Variants in FAM204A observed in about 807,000 individuals in gnomAD.
FAM204A encodes the protein family with sequence similarity 204 member A, also known as protein FAM204A.
In FAM204A, 16 loss-of-function variants were observed where a neutral mutation model predicts 35.4. The observed-to-expected ratio is 0.45, with a 90% CI of 0.31 to 0.69. FAM204A has a LOEUF of 0.69. Among genes scored for constraint, FAM204A ranks in the 30% least tolerant of loss-of-function variants. The pLI is 0.07. For missense variants in FAM204A, 240 were observed against 265.7 expected, an observed-to-expected ratio of 0.90 and a Z score of 0.67; for synonymous variants, 76 against 86.9, an observed-to-expected ratio of 0.88 and a Z score of 0.70.
intron 7 of FAM204A, among the ~76,000 whole-genome samples, chr10:118,316,347 T>C (rs1460665535): frequency 6.6e-6 from 1 of 152,170 alleles, no homozygotes; most frequent in Non-Finnish European, 1.5e-5. Flanking sequence ...ATATATTATG[T>C]GCTCTAGTAA....
rs2119782426 is a variant in FAM204A at position 118,308,319 on chromosome 10, C to T, written c.*2538G>A. The T allele has an allele frequency of 6.6e-6, 1 of 152,228 alleles. No homozygotes were observed. Among genetic ancestry groups the T allele is most frequent in the Middle Eastern group, 3.4e-3 (1 of 294 alleles). The allele number at this position is 152,228 out of a possible 1,614,324, so 9.4% of individuals were successfully genotyped here. A position where few individuals can be genotyped will look rare whatever the true frequency, so the allele number is the denominator to read the frequency against. ...AATGCACATATTGAAGTTTTAGGAACCAAAGTTATTACTGATCCAAAAAGA... is the reference window on the plus strand; with the variant it reads ...AATGCACATATTGAAGTTTTAGGAATCAAAGTTATTACTGATCCAAAAAGA... On this transcript the variant is annotated 3_prime_UTR_variant, in exon 9 of 9. Transcript: ENST00000369183.
At position 118,335,172 on chromosome 10, in the gene FAM204A, T is replaced by C. The variant is rs1170451493; in HGVS notation, c.395A>G (p.Gln132Arg). 5 of 1,613,510 alleles carry C rather than the reference T, an allele frequency of 3.1e-6. No homozygotes were observed. The highest frequency in any genetic ancestry group is 4.2e-6 in the Non-Finnish European group (5 of 1,179,790). The change falls in exon 6 of 9, where the codon CAG becomes CGG. Residue 132 changes from glutamine to arginine, a missense_variant. Coordinates refer to ENST00000369183, the MANE Select transcript of FAM204A (RefSeq NM_022063.3). Reference sequence around the variant, plus strand: ...AAATCTATCATTGACTCCAAAATACTGAGTAAGCTCTTTCCACTGGGTTTC... The same window carrying C: ...AAATCTATCATTGACTCCAAAATACCGAGTAAGCTCTTTCCACTGGGTTTC... Reference protein sequence around the residue: ...SNETQWKELTQYFGVNDRFDP... With the variant: ...SNETQWKELTRYFGVNDRFDP...
In FAM204A at chr10:118,310,876, CT is replaced by C; in HGVS notation, c.682del (p.Ser228AlafsTer67). ...FEAKKRWETK[S>X]NMGYM ...GGCAAGTTACATGTATCCCATGTTG[CT>C]TTTGGTTTCCCATCTCTTCTTTGCT... On this transcript the variant is annotated frameshift_variant, in exon 9 of 9. Coordinates refer to ENST00000369183, the MANE Select transcript of FAM204A (RefSeq NM_022063.3). LOFTEE classifies it high-confidence loss of function. The C allele has an allele frequency of 6.2e-7, 1 of 1,603,150 alleles. No individual in the cohort carries two copies. The highest frequency in any genetic ancestry group is 1.8e-5 in the Admixed American group (1 of 56,908).
rs201078460 is a variant in FAM204A, at chr10:118,326,662, CAG to C, written c.454-421_454-420del. Among the ~76,000 whole-genome samples, 59 of 152,306 alleles carry C rather than the reference CAG, an allele frequency of 3.9e-4. No individual in the cohort carries two copies. In the East Asian group the frequency reaches 8.1e-3, roughly 21 times the overall value. On this transcript the variant is annotated intron_variant, in intron 6 of 8. Coordinates refer to ENST00000369183, the MANE Select transcript of FAM204A (RefSeq NM_022063.3). Reference sequence around the variant, plus strand: ...CTATCCTGTTTTAAAGATGAGGAAACAGAGCCCAAGACTCCTGAACTTGGCCA... The same window carrying C: ...CTATCCTGTTTTAAAGATGAGGAAACAGCCCAAGACTCCTGAACTTGGCCA...
intron 7 of FAM204A, 146 bp downstream of exon 7, chr10:118,326,008 G>C: frequency 1.7e-6 from 1 of 606,056 alleles, no homozygotes; most frequent in Non-Finnish European, 2.8e-6. Context: ...CAAAATAAAT[G>C]ACAGAATAAA....
At chr10:118,335,023 T>G in intron 6 of FAM204A, 91 bp downstream of exon 6, 1 of 890,518 alleles carries the variant, frequency 1.1e-6, no homozygotes, top group Non-Finnish European at 1.8e-6. Flanking sequence ...TCTTTTTAAC[T>G]GAATGAATTA....
In FAM204A at chr10:118,342,276, G is replaced by C. The variant is rs1215325540; in HGVS notation, c.-216C>G. On this transcript the variant is annotated 5_prime_UTR_variant, in exon 1 of 9. Coordinates refer to ENST00000369183, the MANE Select transcript of FAM204A (RefSeq NM_022063.3). The stretch of plus-strand genomic sequence containing the variant: ...CTCCATAAGCCGTACTCACCTGTCA[G>C]GAAGTGGTCGCCCAGCAGCCATCTT... 1 of 152,544 alleles carries C rather than the reference G, an allele frequency of 6.6e-6. No homozygotes were observed. The highest frequency in any genetic ancestry group is 3.4e-3 in the Middle Eastern group (1 of 298). The allele number at this position is 152,544 out of a possible 1,614,324, so 9.4% of individuals were successfully genotyped here. A position where few individuals can be genotyped will look rare whatever the true frequency, so the allele number is the denominator to read the frequency against.
At chr10:118,330,984 C>T (rs577788681) in intron 6 of FAM204A, among the ~76,000 whole-genome samples, 5 of 152,268 alleles carry the variant, frequency 3.3e-5, no homozygotes, top group Admixed American at 2.0e-4. Flanking sequence ...GAATACCTAG[C>T]CACGTTTTTA....
In FAM204A at chr10:118,335,976, C is replaced by G. The variant is rs1388033373; in HGVS notation, c.234+206G>C. The G allele has an allele frequency of 6.0e-6, 3 of 496,756 alleles. No homozygotes were observed. The South Asian group carries it at 1.1e-4, about 18-fold the overall frequency. 30.8% of individuals were successfully genotyped at this position (496,756 alleles called of 1,614,324 possible). ...ATAGTGGTTTGGGTTTTTTTTTTTT[C>G]CCCCTCCGTCTTTCTATGAAAAACA... On this transcript the variant is annotated intron_variant, in intron 3 of 8. Transcript: ENST00000369183.
At chr10:118,322,068 G>A (rs1449990516) in intron 7 of FAM204A, among the ~76,000 whole-genome samples, 1 of 152,098 alleles carries the variant, frequency 6.6e-6, no homozygotes. Context: ...AGTTTGCTGG[G>A]TGATGATTAA....
chr10:118,336,643 C>T (rs1846393414), intron 2 of FAM204A, among the ~76,000 whole-genome samples: 1 of 151,644 alleles, frequency 6.6e-6, no homozygotes. Context: ...AGTTTAAAAG[C>T]TGTTTAAACA....
chr10:118,326,702 G>GT (rs1258385878), intron 6 of FAM204A, among the ~76,000 whole-genome samples: 1 of 152,194 alleles, frequency 6.6e-6, no homozygotes, highest in Non-Finnish European at 1.5e-5. Context: ...GCCAGCGTCT[G>GT]TAAGTAGTAA....
At chr10:118,335,858 T>A (rs1042932846) in intron 3 of FAM204A, among the ~76,000 whole-genome samples, 8 of 151,966 alleles carry the variant, frequency 5.3e-5, no homozygotes, top group Non-Finnish European at 8.8e-5. Flanking sequence ...AATTTGAGAG[T>A]GAAGCTCATG....
chr10:118,311,325 A>G lies in FAM204A; in HGVS notation c.544-12T>C, dbSNP rs767786906. ...ATTTTTACACCAAGCTAAGAATTACAAAGGAGAAAAAAAAAGTGAAAATAA... is the reference window on the plus strand; with the variant it reads ...ATTTTTACACCAAGCTAAGAATTACGAAGGAGAAAAAAAAAGTGAAAATAA... On this transcript the variant is annotated splice_polypyrimidine_tract_variant and intron_variant, in intron 7 of 8. Coordinates refer to ENST00000369183, the MANE Select transcript of FAM204A (RefSeq NM_022063.3). The G allele has an allele frequency of 1.4e-6, 2 of 1,433,190 alleles. No individual in the cohort carries two copies. Among genetic ancestry groups the G allele is most frequent in the African/African-American group, 2.3e-5 (1 of 43,164 alleles). The allele number at this position is 1,433,190 out of a possible 1,614,324, so 88.8% of individuals were successfully genotyped here. A position where few individuals can be genotyped will look rare whatever the true frequency, so the allele number is the denominator to read the frequency against.
intron 3 of FAM204A, 104 bp from the exon 4 acceptor site, chr10:118,335,745 A>C (rs1846373973): frequency 3.4e-6 from 3 of 871,576 alleles, no homozygotes; most frequent in Non-Finnish European, 5.2e-6. Flanking sequence ...GCGTGTATAA[A>C]GATACCAATT....
intron 6 of FAM204A, among the ~76,000 whole-genome samples, chr10:118,334,723 T>C (rs1445653008): frequency 6.6e-6 from 1 of 152,194 alleles, no homozygotes; most frequent in African/African-American, 2.4e-5. Flanking sequence ...GCTGACCCCA[T>C]TCCAGCCAGG....
At chr10:118,329,512 C>T (rs1330924450) in intron 6 of FAM204A, among the ~76,000 whole-genome samples, 2 of 152,090 alleles carry the variant, frequency 1.3e-5, no homozygotes, top group Admixed American at 6.5e-5. Flanking sequence ...AGGCTCACGT[C>T]GAATGTTACC....
At position 118,302,705 on chromosome 10, in the gene FAM204A, T is replaced by C. The variant is rs1564750196; in HGVS notation, c.*8152A>G. 6.6e-6 allele frequency: 1 copy of C among 152,200 alleles called. No individual in the cohort carries two copies. The highest frequency in any genetic ancestry group is 1.5e-5 in the Non-Finnish European group (1 of 68,048). The allele number at this position is 152,200 out of a possible 1,614,324, so 9.4% of individuals were successfully genotyped here. On this transcript the variant is annotated 3_prime_UTR_variant, in exon 9 of 9. Transcript: ENST00000369183. ...TTCCTTTTTTGGAAAATGGAAGTAATGTACTAGTACAGGCAGTCTGTTTGG... is the reference window on the plus strand; with the variant it reads ...TTCCTTTTTTGGAAAATGGAAGTAACGTACTAGTACAGGCAGTCTGTTTGG...
chr10:118,333,118 G>A (rs1311141226), intron 6 of FAM204A, among the ~76,000 whole-genome samples: 1 of 152,146 alleles, frequency 6.6e-6, no homozygotes, highest in African/African-American at 2.4e-5. Context: ...CAGCAGTGCT[G>A]TAAACAGACA....
Sources: allele counts gnomAD v4.1 joint callset (sites outside exome capture counted in the v4.1 genomes callset), GRCh38; gene constraint gnomAD v4.1.1; transcripts MANE v1.5; gene names NCBI Gene and HGNC (gene_info 2026-07-23, HGNC 2026-07-21).